The following TG variants were observed in gnomAD, a reference collection of about 807,000 sequenced individuals.
TG encodes thyroglobulin.
Under a neutral mutation model 324.7 loss-of-function variants are expected in TG, and 270 were observed. That is an observed-to-expected ratio of 0.83 (90% CI 0.75 to 0.92). The LOEUF is 0.92. Ranked by LOEUF, TG falls within the 40% of genes least tolerant of loss-of-function variation. The probability of loss-of-function intolerance (pLI) is 0.00; values close to 1 mark genes in which losing one functional copy is unlikely to be tolerated. For synonymous variants in TG, 1,401 were observed against 1,327.0 expected (o/e 1.06, Z -1.21); for missense variants, 3,591 against 3,456.4 (o/e 1.04, Z -0.98).
At chr8:132,933,765 A>G (rs1386165866) in intron 24 of TG, 89 bp downstream of exon 24, 2 of 1,212,312 alleles carry the variant, frequency 1.6e-6, no homozygotes, top group Non-Finnish European at 2.5e-6. Flanking sequence ...TGGCCAGGCG[A>G]TGGAATGAGG....
At chr8:132,932,114 A>G (rs1211957446) in intron 23 of TG, among the ~76,000 whole-genome samples, 6 of 102,774 alleles carry the variant, frequency 5.8e-5, no homozygotes, top group African/African-American at 1.9e-4. Flanking sequence ...TTAAAACAGA[A>G]TTATTTTTTT....
intron 4 of TG, among the ~76,000 whole-genome samples, chr8:132,872,477 C>CAAAA (rs11359047): frequency 4.1e-5 from 3 of 73,138 alleles, no homozygotes; most frequent in African/African-American, 1.1e-4. Flanking sequence ...GACTCCGTCT[C>CAAAA]AAAAAAAAAA....
At chr8:132,894,244 A>G (rs1816777441) in intron 11 of TG, among the ~76,000 whole-genome samples, 1 of 152,080 alleles carries the variant, frequency 6.6e-6, no homozygotes, top group South Asian at 2.1e-4. Flanking sequence ...AACACCCCTT[A>G]CGGCCTGCTC....
chr8:132,947,537 A>T (rs1270386234), intron 26 of TG, among the ~76,000 whole-genome samples: 1 of 152,192 alleles, frequency 6.6e-6, no homozygotes. Flanking sequence ...ACTCTGGGGA[A>T]ATTTTGGAGA....
intron 41 of TG, among the ~76,000 whole-genome samples, chr8:133,094,242 C>CTTTTT (rs765931953): frequency 7.9e-6 from 1 of 126,572 alleles, no homozygotes; most frequent in Non-Finnish European, 1.6e-5. Context: ...CTGTCGTTTT[C>CTTTTT]TTTTTTTTTT....
intron 46 of TG, among the ~76,000 whole-genome samples, chr8:133,133,019 G>A (rs1852061739): frequency 6.6e-6 from 1 of 152,184 alleles, no homozygotes; most frequent in East Asian, 1.9e-4. Context: ...GCAAGTTTGG[G>A]AAGGAGCCTT....
chr8:133,038,311 G>A (rs747621168), intron 41 of TG: 5 of 585,884 alleles, frequency 8.5e-6, no homozygotes, highest in Admixed American at 3.0e-5. Flanking sequence ...CCAATGTTTC[G>A]TGATGCCACA....
intron 45 of TG, among the ~76,000 whole-genome samples, chr8:133,129,461 A>G (rs1373050232): frequency 3.3e-5 from 5 of 152,200 alleles, no homozygotes; most frequent in African/African-American, 7.2e-5. Context: ...AAGTATTACA[A>G]ATAGGATTTC....
intron 22 of TG, among the ~76,000 whole-genome samples, chr8:132,927,457 C>T (rs1822044363): frequency 6.6e-6 from 1 of 152,170 alleles, no homozygotes; most frequent in Non-Finnish European, 1.5e-5. Flanking sequence ...TTAATGTTAA[C>T]CTTTTATGCT....
chr8:132,986,045 G>T (rs541344215), intron 35 of TG, among the ~76,000 whole-genome samples: 19 of 152,118 alleles, frequency 1.2e-4, no homozygotes, highest in Non-Finnish European at 1.2e-4. Flanking sequence ...AACTCATTTT[G>T]TCTTCAGCAC....
chr8:133,055,643 G>A (rs1231044461), intron 41 of TG, among the ~76,000 whole-genome samples: 2 of 152,200 alleles, frequency 1.3e-5, no homozygotes, highest in African/African-American at 4.8e-5. Context: ...TTCAGGGTCA[G>A]TCTCAACTCT....
rs1326669717 is a variant in TG, at chr8:132,972,757, A to G, written c.6199+16A>G. ...CAGAAGCCCAGTAAGTACCCTTCTC[A>G]TGACAGCTATATGGACGTCTTTAGT... On this transcript the variant is annotated intron_variant, in intron 34 of 47. Transcript: ENST00000220616. The G allele has an allele frequency of 6.2e-7, 1 of 1,612,526 alleles. No homozygotes were observed. The highest frequency in any genetic ancestry group is 8.5e-7 in the Non-Finnish European group (1 of 1,178,728).
rs994919330 is a variant in TG at position 132,877,375 on chromosome 8, G to T, written c.638+4154G>T. ...GCTGGTCTGAAACTCCTGACCTCAA[G>T]TGATCCACCCACCTCAGCCTCCCAA... On this transcript the variant is annotated intron_variant, in intron 5 of 47. Transcript: ENST00000220616. Among the ~76,000 whole-genome samples, 3 of 152,214 alleles carry T rather than the reference G, an allele frequency of 2.0e-5. No homozygotes were observed. The East Asian group carries it at 5.8e-4, about 29-fold the overall frequency.
chr8:133,091,608 C>T (rs1278019681), intron 41 of TG, among the ~76,000 whole-genome samples: 1 of 151,804 alleles, frequency 6.6e-6, no homozygotes, highest in Non-Finnish European at 1.5e-5. Context: ...GTGAGTCTAT[C>T]TGTAGGTGTC....
In TG at chr8:132,873,235, G is replaced by T; in HGVS notation, c.638+14G>T. On this transcript the variant is annotated intron_variant, in intron 5 of 47. Coordinates refer to ENST00000220616, the MANE Select transcript of TG (RefSeq NM_003235.5). ...CAGCTACAACAGGTAAGGGGAGCAG[G>T]GGTGTGCCAGTCACTGGGCCATCAC... 6.2e-7 allele frequency: 1 copy of T among 1,613,818 alleles called. No homozygotes were observed. The highest frequency in any genetic ancestry group is 8.5e-7 in the Non-Finnish European group (1 of 1,179,916).
intron 34 of TG, among the ~76,000 whole-genome samples, chr8:132,977,137 A>G (rs1830266120): frequency 6.6e-6 from 1 of 152,214 alleles, no homozygotes; most frequent in Admixed American, 6.5e-5. Context: ...AAATCCCAGC[A>G]CTGAAGCTGA....
At chr8:132,950,480 C>T (rs1825950824) in intron 27 of TG, among the ~76,000 whole-genome samples, 1 of 152,206 alleles carries the variant, frequency 6.6e-6, no homozygotes, top group African/African-American at 2.4e-5. Flanking sequence ...CTGCATTTCT[C>T]AGGGTTCCAA....
chr8:133,067,041 A>G (rs528363002), intron 41 of TG, among the ~76,000 whole-genome samples: 1 of 152,152 alleles, frequency 6.6e-6, no homozygotes, highest in Non-Finnish European at 1.5e-5. Flanking sequence ...GGCACAATTG[A>G]CTAGGGACTT....
intron 35 of TG, among the ~76,000 whole-genome samples, chr8:132,997,855 T>C (rs1268213784): frequency 6.6e-6 from 1 of 152,218 alleles, no homozygotes; most frequent in Admixed American, 6.5e-5. Context: ...AAAAACAGTA[T>C]GTTCCACCAT....
Sources: allele counts gnomAD v4.1 joint callset (sites outside exome capture counted in the v4.1 genomes callset), GRCh38; gene constraint gnomAD v4.1.1; transcripts MANE v1.5; gene names NCBI Gene and HGNC (gene_info 2026-07-23, HGNC 2026-07-21).